Variants in PCDH7 observed in about 807,000 individuals in gnomAD.
The protein encoded by PCDH7 is protocadherin-7.
PCDH7 carries 17 observed loss-of-function variants against 58.9 expected under a neutral mutation model. The ratio of observed to expected loss-of-function variants is 0.29; its 90% CI spans 0.20 to 0.43. The LOEUF (loss-of-function observed/expected upper bound fraction) is 0.43. PCDH7 is among the 20% of genes least tolerant of loss of function. The pLI is 1.00. For missense variants in PCDH7, 1,274 were observed against 1,441.0 expected, an observed-to-expected ratio of 0.88 and a Z score of 1.88; for synonymous variants, 664 against 616.4, an observed-to-expected ratio of 1.08 and a Z score of -1.14.
intron 3 of PCDH7, among the ~76,000 whole-genome samples, chr4:31,123,292 A>T (rs1220207174): frequency 1.3e-5 from 2 of 152,136 alleles, no homozygotes; most frequent in African/African-American, 4.8e-5. Flanking sequence ...AAGAATCAAT[A>T]TTCGATACTT....
chr4:30,868,935 A>G (rs1021392229), intron 1 of PCDH7: 4 of 152,134 alleles, frequency 2.6e-5, no homozygotes, highest in African/African-American at 9.7e-5. Flanking sequence ...CCATATGAAA[A>G]AGAATTAGTA....
rs1036700523 is a variant in PCDH7, at chr4:30,834,857, T to G, written c.71-85296T>G. 2.4e-4 allele frequency among the ~76,000 whole-genome samples: 37 copies of G among 151,908 alleles called. 1 individual carries two copies. Among genetic ancestry groups the G allele is most frequent in the Admixed American group, 2.2e-3 (34 of 15,218 alleles). ...ATGACACAAAGCAATATTTTTCCAC[T>G]GTCCTAATTTATCTTGAAGAAATTT... On this transcript the variant is annotated intron_variant, in intron 1 of 3. Coordinates refer to the PCDH7 transcript ENST00000509759.
chr4:31,098,946 G>A (rs114207520), intron 3 of PCDH7, among the ~76,000 whole-genome samples: 2,669 of 152,056 alleles, frequency 0.018, 63 homozygotes, highest in African/African-American at 0.054. Flanking sequence ...TTCCTCACGT[G>A]GTCTTTATTC....
At chr4:30,731,388 G>C (rs1302633288) in exon 2 of PCDH7, 2 of 151,032 alleles carry the variant, frequency 1.3e-5, no homozygotes, top group East Asian at 3.9e-4. Flanking sequence ...CTGGAACTTT[G>C]AGCAATATTT....
At chr4:30,997,767 A>G (rs1752032517) in intron 3 of PCDH7, among the ~76,000 whole-genome samples, 1 of 152,176 alleles carries the variant, frequency 6.6e-6, no homozygotes, top group African/African-American at 2.4e-5. Context: ...TTTGTAATCA[A>G]GACATTTTAA....
At chr4:31,063,090 A>G (rs548318738) in intron 3 of PCDH7, among the ~76,000 whole-genome samples, 1 of 152,042 alleles carries the variant, frequency 6.6e-6, no homozygotes, top group South Asian at 2.1e-4. Context: ...ATGTTTTAAC[A>G]AGAAAGTCTT....
At chr4:30,894,504 TATATATATATATAC>T (rs1439548641) in intron 1 of PCDH7, among the ~76,000 whole-genome samples, 68 of 47,624 alleles carry the variant, frequency 1.4e-3, no homozygotes, top group Non-Finnish European at 1.9e-3. Context: ...TATATATATA[TATATATATATATAC>T]ACACACACAC....
exon 2 of PCDH7, chr4:30,731,930 C>T (rs1009377729): frequency 3.4e-4 from 51 of 152,202 alleles, no homozygotes; most frequent in African/African-American, 1.2e-3. Context: ...ACATTTACCA[C>T]GCTGTCTGCC....
At chr4:30,976,222 C>G (rs1396227421) in intron 3 of PCDH7, among the ~76,000 whole-genome samples, 1 of 151,724 alleles carries the variant, frequency 6.6e-6, no homozygotes, top group Non-Finnish European at 1.5e-5. Flanking sequence ...GGCGTGATCT[C>G]GGCTCACCAC....
At chr4:31,125,321 G>A (rs1718171007) in intron 3 of PCDH7, among the ~76,000 whole-genome samples, 1 of 152,276 alleles carries the variant, frequency 6.6e-6, no homozygotes, top group African/African-American at 2.4e-5. Context: ...ATCTGTCCAA[G>A]CTAAAAATGT....
chr4:30,858,630 A>G (rs751913509), intron 1 of PCDH7, among the ~76,000 whole-genome samples: 3 of 152,170 alleles, frequency 2.0e-5, no homozygotes, highest in African/African-American at 4.8e-5. Context: ...TATAAGTTAT[A>G]TTGCTAATAC....
intron 2 of PCDH7, among the ~76,000 whole-genome samples, chr4:30,932,370 A>T (rs1005902044): frequency 1.3e-5 from 2 of 152,218 alleles, no homozygotes; most frequent in Non-Finnish European, 2.9e-5. Context: ...TTTGTCAGGA[A>T]GATATCACTT....
In PCDH7 at chr4:30,965,562, C is replaced by A. The variant is rs192001227; in HGVS notation, c.*7+15347C>A. 8.5e-5 allele frequency among the ~76,000 whole-genome samples: 13 copies of A among 152,208 alleles called. 1 individual carries two copies. Among genetic ancestry groups the A allele is most frequent in the Admixed American group, 8.5e-4 (13 of 15,278 alleles). On this transcript the variant is annotated intron_variant, in intron 3 of 3. Transcript: ENST00000509759. Reference sequence around the variant, plus strand: ...AGATATCAAATCACCTTACACCAATCAAGCAAAGCAAAAGATTTTAACAAT... The same window carrying A: ...AGATATCAAATCACCTTACACCAATAAAGCAAAGCAAAAGATTTTAACAAT...
rs554385881 is a variant in PCDH7, at chr4:30,788,021, A to G, written c.70+63425A>G. Among the ~76,000 whole-genome samples, 6 of 152,220 alleles carry G rather than the reference A, an allele frequency of 3.9e-5. No homozygotes were observed. In the East Asian group the frequency reaches 1.2e-3, roughly 29 times the overall value. On this transcript the variant is annotated intron_variant, in intron 1 of 3. Transcript: ENST00000509759. ...AAGATGATACCAACGCCTGAAAATA[A>G]TGAGAGTAGGCTCATGTGAAATTAG...
chr4:30,814,488 T>C (rs1228214689), intron 1 of PCDH7, among the ~76,000 whole-genome samples: 1 of 152,122 alleles, frequency 6.6e-6, no homozygotes, highest in Non-Finnish European at 1.5e-5. Context: ...GCCTCTTTTA[T>C]TTACTTTTTC....
rs747892879 is a variant in PCDH7 at position 30,722,563 on chromosome 4, C to T, written c.1141C>T (p.Leu381=). Reference sequence around the variant, plus strand: ...GATCGACCGCGAGGAGGTGAACCAGCTGCGCTTCACGGTCATGGCCCGCGA... The same window carrying T: ...GATCGACCGCGAGGAGGTGAACCAGTTGCGCTTCACGGTCATGGCCCGCGA... Residue 381 remains leucine (L), a synonymous_variant, in exon 1 of 2, where the codon CTG becomes TTG. Transcript: ENST00000361762. This position sits in a 1 kb window ranked among gnomAD's most constrained non-coding sequence, Gnocchi z 7.6. 3.7e-6 allele frequency: 6 copies of T among 1,612,682 alleles called. No homozygotes were observed. Among genetic ancestry groups the T allele is most frequent in the African/African-American group, 1.3e-5 (1 of 74,946 alleles).
intron 3 of PCDH7, among the ~76,000 whole-genome samples, chr4:31,138,350 A>T (rs1719868723): frequency 6.6e-6 from 1 of 152,118 alleles, no homozygotes; most frequent in South Asian, 2.1e-4. Context: ...TCTTTTCACT[A>T]AGTAGTAAAA....
intron 2 of PCDH7, among the ~76,000 whole-genome samples, chr4:30,934,668 C>A (rs969577702): frequency 6.6e-6 from 1 of 152,048 alleles, no homozygotes; most frequent in Non-Finnish European, 1.5e-5. Context: ...AGTTTCTCTA[C>A]CAAAAGTCAT....
intron 3 of PCDH7, among the ~76,000 whole-genome samples, chr4:31,035,854 G>A (rs1694704424): frequency 6.6e-6 from 1 of 152,116 alleles, no homozygotes; most frequent in Non-Finnish European, 1.5e-5. Context: ...CAAAATGTTT[G>A]TGTGTAATTA....
Sources: allele counts gnomAD v4.1 joint callset (sites outside exome capture counted in the v4.1 genomes callset), GRCh38; gene constraint gnomAD v4.1.1; non-coding constraint Gnocchi (gnomAD v3.1); transcripts MANE v1.5; gene names NCBI Gene and HGNC (gene_info 2026-07-23, HGNC 2026-07-21).